Variants in CYYR1 observed in about 807,000 individuals in gnomAD.
CYYR1 encodes cysteine and tyrosine-rich protein 1.
In CYYR1, 14 loss-of-function variants were observed where a neutral mutation model predicts 15.2. The ratio of observed to expected loss-of-function variants is 0.92; its 90% CI spans 0.61 to 1.44. The LOEUF (loss-of-function observed/expected upper bound fraction) is 1.44. CYYR1 is among the 40% of genes most tolerant of loss of function. CYYR1 has a pLI of 0.00. For missense variants in CYYR1, 228 were observed against 209.5 expected, an observed-to-expected ratio of 1.09 and a Z score of -0.54; for synonymous variants, 80 against 77.4, an observed-to-expected ratio of 1.03 and a Z score of -0.18.
chr21:26,517,070 G>C (rs537857230), intron 2 of CYYR1, among the ~76,000 whole-genome samples: 4 of 124,646 alleles, frequency 3.2e-5, no homozygotes, highest in African/African-American at 9.7e-5. Flanking sequence ...AGCCGAGATC[G>C]CGCCACTGCA....
rs886245619 is a variant in CYYR1, at chr21:26,477,826, AAATAAT to A, written c.334+2440_334+2445del. On this transcript the variant is annotated intron_variant, in intron 3 of 3. Coordinates refer to ENST00000652641, the MANE Select transcript of CYYR1 (RefSeq NM_001320768.2). ...ACCAAGGGAAAAAATTCAGAGGTAT[AAATAAT>A]AATAAAAATAATTCCATCTATTTTT... 2.3e-5 allele frequency: 27 copies of A among 1,187,128 alleles called. No individual in the cohort carries two copies. In the African/African-American group the frequency reaches 4.1e-4, roughly 18 times the overall value. 73.5% of individuals were successfully genotyped at this position (1,187,128 alleles called of 1,614,324 possible).
chr21:26,483,096 T>C (rs2065204696), intron 2 of CYYR1, among the ~76,000 whole-genome samples: 1 of 152,074 alleles, frequency 6.6e-6, no homozygotes, highest in Non-Finnish European at 1.5e-5. Context: ...TTTAAAAAAC[T>C]ACTGTCTGGA....
intron 2 of CYYR1, among the ~76,000 whole-genome samples, chr21:26,508,748 T>C (rs2065604020): frequency 6.6e-6 from 1 of 152,188 alleles, no homozygotes; most frequent in African/African-American, 2.4e-5. Context: ...GATGATTTAC[T>C]ATGGAGATTC....
chr21:26,512,392 G>A (rs1051562224), intron 2 of CYYR1, among the ~76,000 whole-genome samples: 1 of 151,784 alleles, frequency 6.6e-6, no homozygotes, highest in Non-Finnish European at 1.5e-5. Flanking sequence ...TAGTAGAAAC[G>A]GGGTTCCACT....
chr21:26,486,176 T>C (rs1455467941), intron 2 of CYYR1, among the ~76,000 whole-genome samples: 7 of 152,260 alleles, frequency 4.6e-5, no homozygotes, highest in African/African-American at 1.7e-4. Context: ...TTGAGTCCTT[T>C]ACAAAATATG....
At chr21:26,559,204 T>C (rs1980024361) in intron 2 of CYYR1, among the ~76,000 whole-genome samples, 1 of 152,168 alleles carries the variant, frequency 6.6e-6, no homozygotes, top group South Asian at 2.1e-4. Context: ...TTGTCCTGCT[T>C]TAGTTAGCCA....
intron 2 of CYYR1, among the ~76,000 whole-genome samples, chr21:26,514,444 T>C (rs1032229739): frequency 5.3e-5 from 8 of 152,208 alleles, no homozygotes; most frequent in Non-Finnish European, 8.8e-5. Context: ...GTGATCTCTG[T>C]AGATACCAGC....
At chr21:26,518,911 C>T (rs911327900) in intron 2 of CYYR1, among the ~76,000 whole-genome samples, 48 of 152,146 alleles carry the variant, frequency 3.2e-4, no homozygotes, top group African/African-American at 1.1e-3. Context: ...ATCCGTACAA[C>T]TTTTTTCCTG....
chr21:26,569,141 C>T (rs894029720), intron 1 of CYYR1: 3 of 152,056 alleles, frequency 2.0e-5, no homozygotes, highest in African/African-American at 4.8e-5. Flanking sequence ...GTTGTACATT[C>T]GTCACAGCAC....
chr21:26,567,109 G>T (rs1946024415), intron 1 of CYYR1, among the ~76,000 whole-genome samples: 1 of 151,836 alleles, frequency 6.6e-6, no homozygotes, highest in Non-Finnish European at 1.5e-5. Context: ...ATACCAAAAA[G>T]GAATAATTTC....
chr21:26,567,643 C>A (rs996215575), intron 1 of CYYR1, among the ~76,000 whole-genome samples: 3 of 151,952 alleles, frequency 2.0e-5, no homozygotes, highest in Non-Finnish European at 4.4e-5. Context: ...ACAAAATAAT[C>A]CATTTCCAGC....
intron 3 of CYYR1, among the ~76,000 whole-genome samples, chr21:26,472,127 G>A (rs963980871): frequency 7.9e-5 from 12 of 152,154 alleles, no homozygotes; most frequent in Admixed American, 7.2e-4. Context: ...TCATTTGTGC[G>A]TAGTTGCATC....
chr21:26,491,889 G>C (rs1043749828), intron 2 of CYYR1, among the ~76,000 whole-genome samples: 1 of 152,118 alleles, frequency 6.6e-6, no homozygotes, highest in African/African-American at 2.4e-5. Flanking sequence ...ACTGATCGCT[G>C]TCTGCTGGGG....
chr21:26,571,252 C>T (rs983103173), intron 1 of CYYR1, among the ~76,000 whole-genome samples: 8 of 152,176 alleles, frequency 5.3e-5, no homozygotes, highest in African/African-American at 1.9e-4. Flanking sequence ...GGAATTGACA[C>T]CAAAGAGCTT....
intron 3 of CYYR1, 65 bp from the exon 4 acceptor site, chr21:26,468,699 G>C: frequency 7.9e-7 from 1 of 1,263,470 alleles, no homozygotes; most frequent in Non-Finnish European, 1.1e-6. Context: ...CTGTGTTGAA[G>C]CCACTGGGCT....
chr21:26,481,656 T>A (rs1392473701), intron 2 of CYYR1, among the ~76,000 whole-genome samples: 1 of 152,098 alleles, frequency 6.6e-6, no homozygotes, highest in Non-Finnish European at 1.5e-5. Context: ...TGATTCCATG[T>A]CTTTTCTATT....
chr21:26,520,860 A>T (rs1013700071), intron 2 of CYYR1, among the ~76,000 whole-genome samples: 1 of 152,144 alleles, frequency 6.6e-6, no homozygotes, highest in Non-Finnish European at 1.5e-5. Context: ...ACCAACAAAC[A>T]TATGAGATCA....
At chr21:26,482,883 G>T (rs1252735236) in intron 2 of CYYR1, among the ~76,000 whole-genome samples, 2 of 151,720 alleles carry the variant, frequency 1.3e-5, no homozygotes, top group African/African-American at 2.4e-5. Context: ...ATTTCATAAT[G>T]TGCCTGGGTT....
chr21:26,511,731 G>C (rs1471031744), intron 2 of CYYR1, among the ~76,000 whole-genome samples: 1 of 152,134 alleles, frequency 6.6e-6, no homozygotes, highest in Non-Finnish European at 1.5e-5. Flanking sequence ...TCAAGGGTTT[G>C]AGTTTCTTCC....
Sources: gnomAD v4.1 joint callset for allele counts (sites outside exome capture counted in the v4.1 genomes callset) on GRCh38, gnomAD v4.1.1 for gene constraint, MANE v1.5 for transcripts, NCBI Gene and HGNC (gene_info 2026-07-23, HGNC 2026-07-21) for gene names.